The following RAB38 variants were observed in gnomAD, a reference collection of about 807,000 sequenced individuals.
RAB38 encodes the protein RAB38, member RAS oncogene family.
In RAB38, 15 loss-of-function variants were observed where a neutral mutation model predicts 18.4. The observed-to-expected ratio is 0.82, with a 90% CI of 0.55 to 1.26. The LOEUF (loss-of-function observed/expected upper bound fraction) is 1.26. Ranked by LOEUF, RAB38 falls within the 50% of genes most tolerant of loss-of-function variation. The pLI, the probability that RAB38 is intolerant of heterozygous loss-of-function variation, is 0.00. For synonymous variants in RAB38, 101 were observed against 104.4 expected, an observed-to-expected ratio of 0.97 and a Z score of 0.20; for missense variants, 294 against 267.4, an observed-to-expected ratio of 1.10 and a Z score of -0.69.
At chr11:87,928,362 A>T in the RAB38 span, among the ~76,000 whole-genome samples, 1 of 152,092 alleles carries the variant, frequency 6.6e-6, no homozygotes, top group Non-Finnish European at 1.5e-5. Context: ...ATGTGTTCTT[A>T]AAATAAATGA....
the RAB38 span, among the ~76,000 whole-genome samples, chr11:87,865,803 A>G: frequency 5.5e-3 from 828 of 151,810 alleles, 9 homozygotes; most frequent in African/African-American, 0.019. Context: ...TGACAGAAAG[A>G]GGAAGGGGAT....
At chr11:88,069,170 G>A in the RAB38 span, among the ~76,000 whole-genome samples, 1 of 152,240 alleles carries the variant, frequency 6.6e-6, no homozygotes, top group Non-Finnish European at 1.5e-5. Context: ...CTGGCTCTGG[G>A]GAAGTGAGGG....
chr11:87,852,214 G>T, the RAB38 span, among the ~76,000 whole-genome samples: 6 of 152,052 alleles, frequency 3.9e-5, no homozygotes, highest in Admixed American at 1.3e-4. Flanking sequence ...TCAGGGAAAG[G>T]TCAGAAAATT....
the RAB38 span, among the ~76,000 whole-genome samples, chr11:87,943,302 GTTA>G: frequency 6.6e-6 from 1 of 151,990 alleles, no homozygotes; most frequent in African/African-American, 2.4e-5. Flanking sequence ...TATTTTTATT[GTTA>G]TTATAACTGG....
At chr11:88,123,329 A>C (rs1296823960) in intron 2 of RAB38, among the ~76,000 whole-genome samples, 2 of 152,054 alleles carry the variant, frequency 1.3e-5, no homozygotes, top group African/African-American at 4.8e-5. Flanking sequence ...AGACATACAG[A>C]CTAAGCGAAT....
the RAB38 span, among the ~76,000 whole-genome samples, chr11:88,056,832 A>AATACATACATACATACATAC: frequency 4.4e-5 from 2 of 45,506 alleles, no homozygotes; most frequent in African/African-American, 9.0e-5. Flanking sequence ...TAAATAAATA[A>AATACATACATACATACATAC]ATACATACAT....
intron 2 of RAB38, among the ~76,000 whole-genome samples, chr11:88,128,217 G>A (rs765847640): frequency 2.0e-5 from 3 of 152,096 alleles, no homozygotes; most frequent in South Asian, 2.1e-4. Flanking sequence ...TCTGGCATCC[G>A]TTTCACCAGC....
At chr11:87,891,092 A>C in the RAB38 span, among the ~76,000 whole-genome samples, 2 of 151,718 alleles carry the variant, frequency 1.3e-5, no homozygotes, top group Non-Finnish European at 2.9e-5. Flanking sequence ...AAAGAGCAAA[A>C]CCCCTCAACT....
chr11:88,121,354 T>G (rs1942626577), intron 2 of RAB38, among the ~76,000 whole-genome samples: 1 of 152,212 alleles, frequency 6.6e-6, no homozygotes, highest in Non-Finnish European at 1.5e-5. Context: ...TGGCATGTAT[T>G]TTACTGGTAC....
the RAB38 span, among the ~76,000 whole-genome samples, chr11:87,893,824 G>T: frequency 6.6e-6 from 1 of 151,580 alleles, no homozygotes; most frequent in Admixed American, 6.6e-5. Context: ...AAACTTTGGG[G>T]TAGTATATGA....
intron 2 of RAB38, among the ~76,000 whole-genome samples, chr11:88,127,689 G>C (rs949292686): frequency 6.6e-6 from 1 of 152,182 alleles, no homozygotes; most frequent in Admixed American, 6.5e-5. Flanking sequence ...CAGAGTAGAT[G>C]ATATAATGCA....
At chr11:88,164,489 G>C (rs1168602205) in intron 1 of RAB38, among the ~76,000 whole-genome samples, 1 of 152,052 alleles carries the variant, frequency 6.6e-6, no homozygotes, top group Non-Finnish European at 1.5e-5. Context: ...TGTGAAACAG[G>C]AAATGACGGT....
the RAB38 span, among the ~76,000 whole-genome samples, chr11:87,939,159 T>A: frequency 2.0e-5 from 3 of 152,102 alleles, no homozygotes; most frequent in Non-Finnish European, 2.9e-5. Context: ...AGAGCTCCCA[T>A]TAAGTTGCTA....
the RAB38 span, among the ~76,000 whole-genome samples, chr11:87,880,600 G>C: frequency 6.6e-6 from 1 of 151,820 alleles, no homozygotes; most frequent in African/African-American, 2.4e-5. Flanking sequence ...TTTATATTCA[G>C]TTTTGGGGAG....
At chr11:87,892,410 G>T in the RAB38 span, among the ~76,000 whole-genome samples, 1 of 151,818 alleles carries the variant, frequency 6.6e-6, no homozygotes. Flanking sequence ...CTGGGTGGTT[G>T]TAATAGCTGT....
the RAB38 span, among the ~76,000 whole-genome samples, chr11:88,046,718 T>C: frequency 6.6e-6 from 1 of 152,192 alleles, no homozygotes. Flanking sequence ...CTTTCCTTCC[T>C]AGGCATGGTT....
the RAB38 span, among the ~76,000 whole-genome samples, chr11:88,027,159 G>A: frequency 5.3e-5 from 8 of 151,954 alleles, no homozygotes; most frequent in Non-Finnish European, 1.2e-4. Flanking sequence ...CTAGTTTTCT[G>A]AGTTTTTTTT....
the RAB38 span, among the ~76,000 whole-genome samples, chr11:88,043,077 A>G: frequency 6.6e-6 from 1 of 152,206 alleles, no homozygotes; most frequent in Non-Finnish European, 1.5e-5. Flanking sequence ...TGCAAACGTA[A>G]CAAGTATGAG....
At chr11:87,953,581 T>A in the RAB38 span, among the ~76,000 whole-genome samples, 1 of 152,110 alleles carries the variant, frequency 6.6e-6, no homozygotes, top group South Asian at 2.1e-4. Flanking sequence ...ACATTATTAT[T>A]ATTTATTGTT....
Sources: allele counts gnomAD v4.1 joint callset (sites outside exome capture counted in the v4.1 genomes callset), GRCh38; gene constraint gnomAD v4.1.1; transcripts MANE v1.5; gene names NCBI Gene and HGNC (gene_info 2026-07-23, HGNC 2026-07-21).